The following TRIM14 variants were observed in gnomAD, a reference collection of about 807,000 sequenced individuals.
TRIM14 encodes tripartite motif containing 14.
A neutral mutation model predicts 44.5 loss-of-function variants in TRIM14; 28 were observed. The ratio of observed to expected loss-of-function variants is 0.63; its 90% confidence interval spans 0.47 to 0.86. The LOEUF is 0.86. Among genes scored for constraint, TRIM14 ranks in the 40% least tolerant of loss-of-function variants. The probability of loss-of-function intolerance (pLI) is 0.00; values close to 1 mark genes in which losing one functional copy is unlikely to be tolerated. For missense variants in TRIM14, 607 were observed against 611.1 expected, an observed-to-expected ratio of 0.99 and a Z score of 0.07; for synonymous variants, 299 against 269.2, an observed-to-expected ratio of 1.11 and a Z score of -1.08.
chr9:98,097,240 A>G (rs1257473646), intron 3 of TRIM14, among the ~76,000 whole-genome samples: 2 of 152,162 alleles, frequency 1.3e-5, no homozygotes, highest in Admixed American at 6.5e-5. Flanking sequence ...ATTACAGGAC[A>G]AAGTCTGAAC....
the TRIM14 span, among the ~76,000 whole-genome samples, chr9:98,051,283 T>G: frequency 6.6e-6 from 1 of 152,168 alleles, no homozygotes; most frequent in Non-Finnish European, 1.5e-5. Context: ...TGAAATTAAA[T>G]AGATCAAAGA....
At chr9:98,088,390 T>A (rs749727112) in intron 5 of TRIM14, among the ~76,000 whole-genome samples, 1 of 152,166 alleles carries the variant, frequency 6.6e-6, no homozygotes, top group Non-Finnish European at 1.5e-5. Context: ...AGTCTCGCTC[T>A]GTTGCCCAGG....
At chr9:98,073,598 T>G (rs1829451910) in intron 6 of TRIM14, among the ~76,000 whole-genome samples, 1 of 150,746 alleles carries the variant, frequency 6.6e-6, no homozygotes, top group African/African-American at 2.4e-5. Flanking sequence ...TTCTTTTTTT[T>G]TTTTTCCAAT....
chr9:98,109,247 GA>G (rs142615546), intron 2 of TRIM14, among the ~76,000 whole-genome samples: 14,447 of 150,602 alleles, frequency 0.096, 2,082 homozygotes, highest in African/African-American at 0.32. Flanking sequence ...GGATGAAGGG[GA>G]GGAGGGAGCA....
downstream of TRIM14, chr9:98,082,740 A>C: frequency 9.5e-7 from 1 of 1,049,082 alleles, no homozygotes; most frequent in Non-Finnish European, 1.4e-6. Flanking sequence ...GCCTGCTCCC[A>C]AGGTACTGCC....
At chr9:98,038,738 A>G in the TRIM14 span, among the ~76,000 whole-genome samples, 7 of 152,110 alleles carry the variant, frequency 4.6e-5, no homozygotes, top group Non-Finnish European at 8.8e-5. Flanking sequence ...GCCTCACCCC[A>G]GAATGTGAAG....
At chr9:98,058,954 T>C in the TRIM14 span, among the ~76,000 whole-genome samples, 3 of 152,184 alleles carry the variant, frequency 2.0e-5, no homozygotes, top group African/African-American at 7.2e-5. Context: ...AAGTCCTGAC[T>C]CTACCATCTT....
rs71707332 is a variant in TRIM14, at chr9:98,088,347, T to TTTCC, written c.794-343_794-342insGGAA. ...CCCCTCCCCTTGCTGCTTTATAGCT[T>TTTCC]TTCTTTTTCTTTTTTTTCTTTTTTT... On this transcript the variant is annotated intron_variant, in intron 5 of 5. Coordinates refer to ENST00000341469, the MANE Select transcript of TRIM14 (RefSeq NM_014788.4). Among the ~76,000 whole-genome samples, 12 of 28,650 alleles carry TTTCC rather than the reference T, an allele frequency of 4.2e-4. No homozygotes were observed. The African/African-American group carries it at 7.3e-3, about 17-fold the overall frequency. 18.8% of individuals were successfully genotyped at this position (28,650 alleles called of 152,430 possible).
chr9:98,084,095 A>C (rs955102180), downstream of TRIM14, among the ~76,000 whole-genome samples: 1 of 152,206 alleles, frequency 6.6e-6, no homozygotes, highest in African/African-American at 2.4e-5. Context: ...GGGAGCTGTG[A>C]TGTGGACACG....
At chr9:98,047,403 T>G in the TRIM14 span, among the ~76,000 whole-genome samples, 2 of 152,042 alleles carry the variant, frequency 1.3e-5, no homozygotes, top group African/African-American at 4.8e-5. Flanking sequence ...TTAGTACCAG[T>G]AGAGTGGACC....
chr9:98,075,438 GAGGAAGGAA>G (rs1829544532), intron 6 of TRIM14: 1 of 147,800 alleles, frequency 6.8e-6, no homozygotes, highest in Non-Finnish European at 1.5e-5. Flanking sequence ...GAAGGAAAGG[GAGGAAGGAA>G]AGGGAGGAAA....
chr9:98,041,415 C>T, the TRIM14 span, among the ~76,000 whole-genome samples: 2 of 151,450 alleles, frequency 1.3e-5, no homozygotes. Flanking sequence ...CAAACTCCGA[C>T]CTCAGGTAAT....
At chr9:98,050,522 A>G in the TRIM14 span, among the ~76,000 whole-genome samples, 5 of 152,168 alleles carry the variant, frequency 3.3e-5, no homozygotes, top group South Asian at 2.1e-4. Context: ...AAGTCTTAGT[A>G]TTGCTATGTC....
chr9:98,060,640 C>T, the TRIM14 span: 1 of 807,492 alleles, frequency 1.2e-6, no homozygotes, highest in Non-Finnish European at 2.0e-6. Context: ...TTCTGCACTC[C>T]AGCCTGGGTG....
the TRIM14 span, among the ~76,000 whole-genome samples, chr9:98,055,703 T>C: frequency 6.6e-6 from 1 of 152,124 alleles, no homozygotes; most frequent in African/African-American, 2.4e-5. Context: ...GAGGTTTATT[T>C]TGGGAAATAA....
chr9:98,081,075 A>G (rs369483943), downstream of TRIM14: 2 of 1,614,004 alleles, frequency 1.2e-6, no homozygotes, highest in Middle Eastern at 1.6e-4. Context: ...ATGGCCTGCA[A>G]TGAGAAGGTG....
chr9:98,055,630 C>G, the TRIM14 span, among the ~76,000 whole-genome samples: 1 of 152,154 alleles, frequency 6.6e-6, no homozygotes. Context: ...ATGACTCCTA[C>G]GTGTCTAATC....
At chr9:98,048,064 C>CAAAAAAAAAA in the TRIM14 span, among the ~76,000 whole-genome samples, 983 of 107,294 alleles carry the variant, frequency 9.2e-3, 11 homozygotes, top group African/African-American at 0.027. Context: ...GACTCCTTCT[C>CAAAAAAAAAA]AAAAAAAAAA....
chr9:98,064,123 G>A, the TRIM14 span, among the ~76,000 whole-genome samples: 5 of 152,184 alleles, frequency 3.3e-5, no homozygotes, highest in South Asian at 6.2e-4. Flanking sequence ...GGAGGAAGGT[G>A]GAGAACCTAG....
Sources: gnomAD v4.1 joint callset for allele counts (sites outside exome capture counted in the v4.1 genomes callset) on GRCh38, gnomAD v4.1.1 for gene constraint, MANE v1.5 for transcripts, NCBI Gene and HGNC (gene_info 2026-07-23, HGNC 2026-07-21) for gene names.